GABRB1: variants seen among roughly 807,000 people sequenced by gnomAD.
GABRB1 encodes the protein gamma-aminobutyric acid receptor subunit beta-1.
GABRB1 carries 17 observed loss-of-function variants against 51.6 expected under a neutral mutation model. That is an observed-to-expected ratio of 0.33 (90% CI 0.23 to 0.49). GABRB1 has a LOEUF of 0.49. GABRB1 is among the 20% of genes least tolerant of loss of function. The pLI, the probability that GABRB1 is intolerant of heterozygous loss-of-function variation, is 0.99. For missense variants in GABRB1, 410 were observed against 600.6 expected, an observed-to-expected ratio of 0.68 and a Z score of 3.32; for synonymous variants, 247 against 218.9, an observed-to-expected ratio of 1.13 and a Z score of -1.14.
chr4:47,226,227 G>T (rs1560593503), intron 4 of GABRB1, among the ~76,000 whole-genome samples: 1 of 152,118 alleles, frequency 6.6e-6, no homozygotes, highest in Non-Finnish European at 1.5e-5. Flanking sequence ...ACACTGTGGA[G>T]ACAAATTAAT....
chr4:47,296,047 C>T (rs1723978940), intron 4 of GABRB1, among the ~76,000 whole-genome samples: 1 of 152,072 alleles, frequency 6.6e-6, no homozygotes, highest in Admixed American at 6.5e-5. Flanking sequence ...ACTTTACAGA[C>T]AAGCAAATGC....
chr4:47,150,020 G>C (rs1375394077), intron 3 of GABRB1, among the ~76,000 whole-genome samples: 2 of 151,802 alleles, frequency 1.3e-5, no homozygotes, highest in Non-Finnish European at 2.9e-5. Context: ...ACACATTTGG[G>C]TTTAGCTAAA....
chr4:47,151,198 G>A (rs995213074), intron 3 of GABRB1, among the ~76,000 whole-genome samples: 2 of 151,912 alleles, frequency 1.3e-5, no homozygotes, highest in South Asian at 4.1e-4. Context: ...AGTTCTAAGG[G>A]ATATCAGAAC....
chr4:47,090,740 C>T (rs1233651796), intron 3 of GABRB1, among the ~76,000 whole-genome samples: 3 of 152,112 alleles, frequency 2.0e-5, no homozygotes, highest in Admixed American at 6.5e-5. Context: ...AGGCGAGTGT[C>T]GATGGACTAG....
chr4:47,280,021 T>C (rs1239507311), intron 4 of GABRB1, among the ~76,000 whole-genome samples: 2 of 152,194 alleles, frequency 1.3e-5, no homozygotes, highest in East Asian at 3.9e-4. Flanking sequence ...GGACTTACTA[T>C]TGGCATTTTG....
chr4:47,315,050 C>G (rs1257002334), intron 4 of GABRB1, among the ~76,000 whole-genome samples: 1 of 151,994 alleles, frequency 6.6e-6, no homozygotes, highest in East Asian at 1.9e-4. Flanking sequence ...TAAAGAGCTT[C>G]TGCACAGCAA....
intron 3 of GABRB1, among the ~76,000 whole-genome samples, chr4:47,084,794 C>A (rs1727996474): frequency 1.3e-5 from 2 of 152,180 alleles, no homozygotes; most frequent in African/African-American, 4.8e-5. Flanking sequence ...GAGCCAGGAA[C>A]AGGACCCTTA....
chr4:47,298,759 A>G (rs1414048335), intron 4 of GABRB1, among the ~76,000 whole-genome samples: 1 of 152,222 alleles, frequency 6.6e-6, no homozygotes, highest in Non-Finnish European at 1.5e-5. Context: ...ATATGGAAAC[A>G]AAAAAGAACC....
intron 4 of GABRB1, among the ~76,000 whole-genome samples, chr4:47,163,518 T>C (rs1274739812): frequency 6.6e-6 from 1 of 151,888 alleles, no homozygotes; most frequent in Non-Finnish European, 1.5e-5. Context: ...CTGAAGACAA[T>C]AGATACTGGG....
At chr4:47,170,183 C>T (rs1208323387) in intron 4 of GABRB1, among the ~76,000 whole-genome samples, 4 of 151,990 alleles carry the variant, frequency 2.6e-5, no homozygotes, top group African/African-American at 7.2e-5. Flanking sequence ...GGCTCTATTT[C>T]GAATCAATTT....
chr4:47,257,276 G>T (rs143982669), intron 4 of GABRB1, among the ~76,000 whole-genome samples: 1 of 152,062 alleles, frequency 6.6e-6, no homozygotes, highest in African/African-American at 2.4e-5. Context: ...TTCAGGTTTA[G>T]TGATAGTAAC....
At chr4:47,343,677 T>C (rs1476610277) in intron 5 of GABRB1, among the ~76,000 whole-genome samples, 1 of 152,150 alleles carries the variant, frequency 6.6e-6, no homozygotes, top group African/African-American at 2.4e-5. Context: ...CTTAGAAATT[T>C]GCAGCCTGGC....
chr4:47,039,000 C>T (rs1725715018), intron 3 of GABRB1, among the ~76,000 whole-genome samples: 1 of 152,030 alleles, frequency 6.6e-6, no homozygotes, highest in Admixed American at 6.6e-5. Flanking sequence ...CATGAAGTTC[C>T]TTGACTTCTA....
intron 4 of GABRB1, among the ~76,000 whole-genome samples, chr4:47,222,758 T>C (rs1376014208): frequency 6.6e-6 from 1 of 152,160 alleles, no homozygotes; most frequent in African/African-American, 2.4e-5. Flanking sequence ...CCACTACACA[T>C]TGGAGTAATT....
intron 3 of GABRB1, among the ~76,000 whole-genome samples, chr4:47,143,364 C>G (rs752942329): frequency 2.0e-5 from 3 of 151,498 alleles, no homozygotes. Context: ...TTTTCTTTCC[C>G]GGTATTATTT....
intron 5 of GABRB1, among the ~76,000 whole-genome samples, chr4:47,387,509 A>G (rs1378065579): frequency 6.6e-6 from 1 of 152,198 alleles, no homozygotes; most frequent in African/African-American, 2.4e-5. Flanking sequence ...TAGTAAGTCA[A>G]ATTGAATTAG....
chr4:47,298,230 G>T (rs1320140767), intron 4 of GABRB1, among the ~76,000 whole-genome samples: 4 of 152,222 alleles, frequency 2.6e-5, no homozygotes, highest in African/African-American at 4.8e-5. Flanking sequence ...AGAGTTGGAA[G>T]TTCTGGCCAG....
chr4:47,145,682 A>G (rs968298516), intron 3 of GABRB1, among the ~76,000 whole-genome samples: 4 of 152,062 alleles, frequency 2.6e-5, no homozygotes, highest in African/African-American at 9.7e-5. Context: ...GGGAATGCAT[A>G]TATAACATAA....
chr4:47,139,800 T>A (rs1479563111), intron 3 of GABRB1, among the ~76,000 whole-genome samples: 3 of 152,002 alleles, frequency 2.0e-5, no homozygotes, highest in Non-Finnish European at 2.9e-5. Context: ...TCAGTAGGCC[T>A]AGGGTGGGAC....
Sources: allele counts gnomAD v4.1 joint callset (sites outside exome capture counted in the v4.1 genomes callset), GRCh38; gene constraint gnomAD v4.1.1; transcripts MANE v1.5; gene names NCBI Gene and HGNC (gene_info 2026-07-23, HGNC 2026-07-21).